The following NALF1 variants were observed in gnomAD, a reference collection of about 807,000 sequenced individuals.
The protein encoded by NALF1 is family with sequence similarity 155 member A.
Under a neutral mutation model 48.4 loss-of-function variants are expected in NALF1, and 3 were observed. The observed-to-expected ratio is 0.06, with a 90% CI of 0.03 to 0.16. The LOEUF (loss-of-function observed/expected upper bound fraction) is 0.16, where lower values mean the gene tolerates loss of function less well. Among genes scored for constraint, NALF1 ranks in the 10% least tolerant of loss-of-function variants. The pLI is 1.00. For synonymous variants in NALF1, 262 were observed against 245.7 expected, an observed-to-expected ratio of 1.07 and a Z score of -0.62; for missense variants, 526 against 571.5, an observed-to-expected ratio of 0.92 and a Z score of 0.81.
intron 1 of NALF1, among the ~76,000 whole-genome samples, chr13:107,430,849 G>A (rs1884367869): frequency 6.6e-6 from 1 of 152,110 alleles, no homozygotes; most frequent in Non-Finnish European, 1.5e-5. Flanking sequence ...GGTATTTCTA[G>A]TTCTAGATCC....
At chr13:107,423,834 A>G (rs752108521) in intron 1 of NALF1, among the ~76,000 whole-genome samples, 1 of 152,214 alleles carries the variant, frequency 6.6e-6, no homozygotes, top group African/African-American at 2.4e-5. Context: ...AACATAAGAC[A>G]TATGTATGAT....
At chr13:107,372,940 C>T (rs1225539611) in intron 1 of NALF1, among the ~76,000 whole-genome samples, 1 of 145,776 alleles carries the variant, frequency 6.9e-6, no homozygotes, top group Non-Finnish European at 1.5e-5. Flanking sequence ...TGAATCGGAC[C>T]CTAAATTTTC....
At chr13:107,796,924 C>T (rs1298744376) in intron 1 of NALF1, among the ~76,000 whole-genome samples, 1 of 152,132 alleles carries the variant, frequency 6.6e-6, no homozygotes, top group Admixed American at 6.5e-5. Flanking sequence ...TTTACACGTG[C>T]CCAATACTTC....
intron 1 of NALF1, among the ~76,000 whole-genome samples, chr13:107,313,624 C>G (rs1882086832): frequency 6.6e-6 from 1 of 152,140 alleles, no homozygotes; most frequent in African/African-American, 2.4e-5. Flanking sequence ...CTCCGCTCAC[C>G]TGAGACAAAT....
chr13:107,790,787 G>A (rs1878208331), intron 1 of NALF1, among the ~76,000 whole-genome samples: 1 of 152,274 alleles, frequency 6.6e-6, no homozygotes, highest in East Asian at 1.9e-4. Context: ...GAAAATGGGT[G>A]CAGGTTAGGG....
At chr13:107,734,637 T>C (rs970429355) in intron 1 of NALF1, among the ~76,000 whole-genome samples, 1 of 152,160 alleles carries the variant, frequency 6.6e-6, no homozygotes, top group Non-Finnish European at 1.5e-5. Flanking sequence ...TTCTTTCTGA[T>C]AATAGATGGG....
chr13:107,806,692 A>T (rs73587714), intron 1 of NALF1, among the ~76,000 whole-genome samples: 2 of 152,210 alleles, frequency 1.3e-5, no homozygotes, highest in South Asian at 4.1e-4. Flanking sequence ...ACCTAGGATT[A>T]TGATAGTTTC....
At chr13:107,800,498 AC>A (rs1351400679) in intron 1 of NALF1, among the ~76,000 whole-genome samples, 3 of 150,192 alleles carry the variant, frequency 2.0e-5, no homozygotes, top group Non-Finnish European at 4.4e-5. Context: ...TTCAATGTGT[AC>A]CATCATAAAC....
At chr13:107,723,395 T>C (rs961347552) in intron 1 of NALF1, among the ~76,000 whole-genome samples, 5 of 152,134 alleles carry the variant, frequency 3.3e-5, no homozygotes, top group Non-Finnish European at 7.4e-5. Flanking sequence ...CATTTTTTTA[T>C]GTAACTTCAT....
intron 1 of NALF1, among the ~76,000 whole-genome samples, chr13:107,264,175 A>G (rs1880992574): frequency 6.6e-6 from 1 of 152,234 alleles, no homozygotes; most frequent in South Asian, 2.1e-4. Flanking sequence ...ACTTCATAGA[A>G]TCTTTTCAAT....
At chr13:107,757,538 AAGGAGCC>A (rs552174618) in intron 1 of NALF1, among the ~76,000 whole-genome samples, 18 of 151,970 alleles carry the variant, frequency 1.2e-4, no homozygotes, top group Non-Finnish European at 2.2e-4. Context: ...GATAGACAGT[AAGGAGCC>A]ATGGTTAATA....
chr13:107,830,481 G>A (rs1879684795), intron 1 of NALF1, among the ~76,000 whole-genome samples: 1 of 152,130 alleles, frequency 6.6e-6, no homozygotes, highest in Non-Finnish European at 1.5e-5. Flanking sequence ...CGAACCTAAT[G>A]GCTGGAAAAT....
intron 1 of NALF1, among the ~76,000 whole-genome samples, chr13:107,317,928 A>C (rs1049015631): frequency 6.6e-6 from 1 of 152,028 alleles, no homozygotes; most frequent in African/African-American, 2.4e-5. Context: ...AGAGCATTAA[A>C]ATGTTAAATT....
intron 1 of NALF1, among the ~76,000 whole-genome samples, chr13:107,285,857 C>G (rs181594526): frequency 5.9e-4 from 89 of 151,766 alleles, no homozygotes; most frequent in Admixed American, 1.2e-3. Flanking sequence ...AGTGTCCAAC[C>G]TGAATAATAG....
intron 1 of NALF1, among the ~76,000 whole-genome samples, chr13:107,712,736 G>C (rs966141145): frequency 3.3e-5 from 5 of 152,230 alleles, no homozygotes; most frequent in African/African-American, 1.2e-4. Context: ...ATGTCACGCA[G>C]TGTGAAAGGC....
At chr13:107,790,917 T>C (rs1349014910) in intron 1 of NALF1, among the ~76,000 whole-genome samples, 1 of 146,242 alleles carries the variant, frequency 6.8e-6, no homozygotes, top group Non-Finnish European at 1.5e-5. Flanking sequence ...CTAAAGAGCT[T>C]ACAGCACCAT....
chr13:107,358,776 G>C (rs960177345), intron 1 of NALF1, among the ~76,000 whole-genome samples: 1 of 152,012 alleles, frequency 6.6e-6, no homozygotes, highest in African/African-American at 2.4e-5. Flanking sequence ...CAATATGCAC[G>C]AGTGAAATGT....
chr13:107,665,292 T>G (rs1245082288), intron 1 of NALF1, among the ~76,000 whole-genome samples: 1 of 152,188 alleles, frequency 6.6e-6, no homozygotes, highest in Non-Finnish European at 1.5e-5. Flanking sequence ...GCCAATGAGA[T>G]TTATCATTGT....
chr13:107,664,000 T>C (rs886262164), intron 1 of NALF1, among the ~76,000 whole-genome samples: 2 of 152,260 alleles, frequency 1.3e-5, no homozygotes, highest in African/African-American at 4.8e-5. Context: ...CTCCCAAATG[T>C]ATACCTCTAG....
Sources: gnomAD v4.1 joint callset for allele counts (sites outside exome capture counted in the v4.1 genomes callset) on GRCh38, gnomAD v4.1.1 for gene constraint, MANE v1.5 for transcripts, NCBI Gene and HGNC (gene_info 2026-07-23, HGNC 2026-07-21) for gene names.